SCAPER: variants seen among roughly 807,000 people sequenced by gnomAD.
SCAPER encodes S-phase cyclin A associated protein in the ER.
Under a neutral mutation model 182.2 loss-of-function variants are expected in SCAPER, and 98 were observed. That is an observed-to-expected ratio of 0.54 (90% CI 0.46 to 0.64). The LOEUF is 0.64. SCAPER is among the 30% of genes least tolerant of loss of function. The pLI, the probability that SCAPER is intolerant of heterozygous loss-of-function variation, is 0.00. For missense variants in SCAPER, 1,432 were observed against 1,690.0 expected (o/e 0.85, Z 2.68); for synonymous variants, 605 against 564.6 (o/e 1.07, Z -1.01).
intron 15 of SCAPER, among the ~76,000 whole-genome samples, chr15:76,744,042 G>T (rs2061676888): frequency 6.6e-6 from 1 of 152,130 alleles, no homozygotes; most frequent in Admixed American, 6.5e-5. Flanking sequence ...ATGGGAAAAG[G>T]ACTCCTTCTT....
intron 8 of SCAPER, among the ~76,000 whole-genome samples, chr15:76,776,921 GA>G (rs2063778822): frequency 1.3e-5 from 2 of 152,026 alleles, no homozygotes. Context: ...AAAAAGTATT[GA>G]AAAAATAATG....
At chr15:76,780,857 T>C (rs994698667) in intron 8 of SCAPER, among the ~76,000 whole-genome samples, 2 of 152,064 alleles carry the variant, frequency 1.3e-5, no homozygotes, top group East Asian at 1.9e-4. Context: ...AAAAAGGACA[T>C]CTACACCAAA....
chr15:76,824,349 T>C (rs141627170), intron 5 of SCAPER, among the ~76,000 whole-genome samples: 41 of 152,324 alleles, frequency 2.7e-4, no homozygotes, highest in Non-Finnish European at 5.3e-4. Flanking sequence ...AGCAGGAAGG[T>C]TGGCGCCATC....
intron 20 of SCAPER, among the ~76,000 whole-genome samples, chr15:76,692,481 G>A (rs1374525484): frequency 6.6e-6 from 1 of 152,048 alleles, no homozygotes; most frequent in African/African-American, 2.4e-5. Flanking sequence ...ATGAGGCCAG[G>A]ATTTTGAGAC....
intron 21 of SCAPER, among the ~76,000 whole-genome samples, chr15:76,649,417 G>C (rs997427064): frequency 6.6e-6 from 1 of 151,674 alleles, no homozygotes; most frequent in African/African-American, 2.4e-5. Flanking sequence ...GCGACCGAAT[G>C]AGACAATCCC....
At chr15:76,888,424 T>G in intron 1 of SCAPER, among the ~76,000 whole-genome samples, 1 of 151,938 alleles carries the variant, frequency 6.6e-6, no homozygotes, top group Non-Finnish European at 1.5e-5. Context: ...CTCAAAAACC[T>G]TGAAAAAAGG....
intron 5 of SCAPER, among the ~76,000 whole-genome samples, chr15:76,811,814 AAAAAT>A (rs908353048): frequency 2.0e-5 from 3 of 151,804 alleles, no homozygotes; most frequent in Admixed American, 1.3e-4. Context: ...AAAAAATAAA[AAAAAT>A]AAAATAAAAA....
intron 21 of SCAPER, among the ~76,000 whole-genome samples, chr15:76,645,948 C>T (rs972537952): frequency 6.6e-6 from 1 of 152,052 alleles, no homozygotes; most frequent in Non-Finnish European, 1.5e-5. Flanking sequence ...TATGTCTTTC[C>T]CTGCCTCTCC....
intron 4 of SCAPER, among the ~76,000 whole-genome samples, chr15:76,849,595 G>A (rs1340889324): frequency 1.3e-5 from 2 of 152,184 alleles, no homozygotes; most frequent in Non-Finnish European, 2.9e-5. Flanking sequence ...GGCAATGGGA[G>A]AGGAACCCAC....
At chr15:76,366,837 G>T (rs2041848273) in intron 29 of SCAPER, among the ~76,000 whole-genome samples, 1 of 152,174 alleles carries the variant, frequency 6.6e-6, no homozygotes, top group Non-Finnish European at 1.5e-5. Flanking sequence ...AACCAGGCAT[G>T]CCCCTTTGGG....
chr15:76,491,318 G>C (rs1437007576), intron 24 of SCAPER, among the ~76,000 whole-genome samples: 1 of 152,128 alleles, frequency 6.6e-6, no homozygotes, highest in African/African-American at 2.4e-5. Flanking sequence ...TCACTGCATA[G>C]ATGTACCACA....
intron 2 of SCAPER, among the ~76,000 whole-genome samples, chr15:76,873,136 G>A (rs1216832312): frequency 6.0e-5 from 9 of 150,996 alleles, no homozygotes; most frequent in Admixed American, 4.0e-4. Flanking sequence ...CTGTAGTCCC[G>A]GCTACTCAAG....
intron 23 of SCAPER, among the ~76,000 whole-genome samples, chr15:76,512,865 GA>G (rs1038821410): frequency 5.7e-3 from 208 of 36,392 alleles, no homozygotes; most frequent in African/African-American, 0.012. Flanking sequence ...AGCTTTTCCA[GA>G]AAAAAAAAAA....
intron 14 of SCAPER, among the ~76,000 whole-genome samples, chr15:76,763,934 G>A (rs974994076): frequency 6.6e-6 from 1 of 151,470 alleles, no homozygotes; most frequent in Non-Finnish European, 1.5e-5. Context: ...TGAATATTTT[G>A]TCAGGGACTT....
intron 20 of SCAPER, among the ~76,000 whole-genome samples, chr15:76,685,044 T>C (rs1176030196): frequency 6.6e-6 from 1 of 152,044 alleles, no homozygotes; most frequent in Non-Finnish European, 1.5e-5. Context: ...AATATACCAG[T>C]AATGAATTAG....
chr15:76,721,177 T>C (rs904199019), intron 17 of SCAPER, among the ~76,000 whole-genome samples: 2 of 152,228 alleles, frequency 1.3e-5, no homozygotes, highest in Non-Finnish European at 2.9e-5. Flanking sequence ...TTTTATTAAA[T>C]AGGGAATCCT....
intron 8 of SCAPER, among the ~76,000 whole-genome samples, chr15:76,777,693 TC>T (rs938124054): frequency 2.8e-4 from 42 of 152,012 alleles, no homozygotes; most frequent in African/African-American, 9.6e-4. Flanking sequence ...AAACTCCATC[TC>T]AAAAAAGTAA....
intron 2 of SCAPER, among the ~76,000 whole-genome samples, chr15:76,873,273 AAAAG>A (rs1262461803): frequency 4.0e-4 from 55 of 138,042 alleles, no homozygotes; most frequent in African/African-American, 1.4e-3. Context: ...AAAAGAAAGG[AAAAG>A]GAAGGAAGGA....
At chr15:76,384,844 C>A (rs141175468) in intron 27 of SCAPER, among the ~76,000 whole-genome samples, 9 of 152,172 alleles carry the variant, frequency 5.9e-5, no homozygotes, top group African/African-American at 1.9e-4. Flanking sequence ...AGGCCACTGG[C>A]TTCTGTTGGT....
Sources: allele counts gnomAD v4.1 joint callset (sites outside exome capture counted in the v4.1 genomes callset), GRCh38; gene constraint gnomAD v4.1.1; transcripts MANE v1.5; gene names NCBI Gene and HGNC (gene_info 2026-07-23, HGNC 2026-07-21).